The following JAKMIP3 variants were observed in gnomAD, a reference collection of about 807,000 sequenced individuals.
JAKMIP3 encodes the protein janus kinase and microtubule-interacting protein 3.
A neutral mutation model predicts 118.5 loss-of-function variants in JAKMIP3; 58 were observed. The ratio of observed to expected loss-of-function variants is 0.49; its 90% CI spans 0.40 to 0.61. The LOEUF (loss-of-function observed/expected upper bound fraction) is 0.61, where lower values mean the gene tolerates loss of function less well. Among genes scored for constraint, JAKMIP3 ranks in the 20% least tolerant of loss-of-function variants. The pLI, the probability that JAKMIP3 is intolerant of heterozygous loss-of-function variation, is 0.00. For synonymous variants in JAKMIP3, 486 were observed against 451.2 expected (o/e 1.08, Z -0.98); for missense variants, 950 against 1,109.0 (o/e 0.86, Z 2.04).
rs1391994802 is a variant in JAKMIP3, at chr10:132,098,070, C to T, written c.-137-6602C>T. Among the ~76,000 whole-genome samples, 6 of 148,510 alleles carry T rather than the reference C, an allele frequency of 4.0e-5. No homozygotes were observed. The East Asian group carries it at 1.2e-3, about 30-fold the overall frequency. ...TCTTTTTTTGAGACAAGGTCTTCCT[C>T]TGTTGTCCAGGTGGGAGTGCAGTGA... is the stretch of plus-strand genomic sequence containing the variant. On this transcript the variant is annotated intron_variant, in intron 1 of 23. Coordinates refer to ENST00000684848, the MANE Select transcript of JAKMIP3 (RefSeq NM_001323087.2).
In JAKMIP3 at chr10:132,180,602, CGCGTGTGTGTGTGCGTGTGT is replaced by C. The variant is rs2060846942; in HGVS notation, c.*1104-1753_*1104-1734del. Among the ~76,000 whole-genome samples, 2 of 12,066 alleles carry C rather than the reference CGCGTGTGTGTGTGCGTGTGT, an allele frequency of 1.7e-4. 1 individual carries two copies. Among genetic ancestry groups the C allele is most frequent in the East Asian group, 3.4e-3 (2 of 584 alleles). 7.9% of individuals were successfully genotyped at this position (12,066 alleles called of 152,430 possible). A position where few individuals can be genotyped will look rare whatever the true frequency, so the allele number is the denominator to read the frequency against. ...GTGCGTGCGCGTGTGTGTGTGCGTG[CGCGTGTGTGTGTGCGTGTGT>C]GTGCGTGTGTGCGTGCGTGTGTGCG... On this transcript the variant is annotated intron_variant, in intron 23 of 23. Transcript: ENST00000684848.
At chr10:132,048,667 C>CTTTT (rs35729418) in intron 1 of JAKMIP3, among the ~76,000 whole-genome samples, 29,312 of 129,422 alleles carry the variant, frequency 0.23, 4,345 homozygotes, top group East Asian at 0.58. Flanking sequence ...TGTTTCTTTT[C>CTTTT]TTTTTTTTTT....
chr10:132,061,080 A>G (rs147406949), upstream of JAKMIP3, among the ~76,000 whole-genome samples: 222 of 152,386 alleles, frequency 1.5e-3, 1 homozygote, highest in Middle Eastern at 3.4e-3. Flanking sequence ...AATAGATTTC[A>G]GCAAGCTGCT....
intron 1 of JAKMIP3, among the ~76,000 whole-genome samples, chr10:132,089,324 T>C (rs1191495229): frequency 2.6e-5 from 4 of 152,268 alleles, no homozygotes; most frequent in African/African-American, 9.6e-5. Flanking sequence ...ACGATATTGA[T>C]ACTTCCTATC....
At chr10:132,163,091 G>A in intron 19 of JAKMIP3, 118 bp from the exon 20 acceptor site, 1 of 982,626 alleles carries the variant, frequency 1.0e-6, no homozygotes, top group Non-Finnish European at 1.5e-6. Context: ...GTCCCTCCCT[G>A]TTGCATATCC....
intron 1 of JAKMIP3, among the ~76,000 whole-genome samples, chr10:132,052,978 T>C (rs557310535): frequency 3.0e-4 from 45 of 152,344 alleles, no homozygotes; most frequent in Middle Eastern, 3.4e-3. Flanking sequence ...GTCTGGGTCT[T>C]TTAATTGTTT....
intron 8 of JAKMIP3, 116 bp downstream of exon 8, chr10:132,137,405 T>G (rs2052026205): frequency 1.5e-6 from 2 of 1,311,182 alleles, no homozygotes; most frequent in African/African-American, 1.5e-5. Flanking sequence ...GCGGCAGCCT[T>G]TCGGGTGGAT....
chr10:132,149,273 G>A (rs753384378), intron 14 of JAKMIP3, 139 bp from the exon 15 acceptor site: 61 of 605,772 alleles, frequency 1.0e-4, no homozygotes, highest in Non-Finnish European at 1.3e-4. Context: ...CACTGCTGCC[G>A]CTGCGGTTTG....
chr10:132,054,975 G>C (rs560098615), intron 1 of JAKMIP3, among the ~76,000 whole-genome samples: 1 of 151,926 alleles, frequency 6.6e-6, no homozygotes, highest in East Asian at 2.0e-4. Flanking sequence ...CTACACCGAG[G>C]ACCCTCCGCT....
chr10:132,098,156 C>G (rs2044288580), intron 1 of JAKMIP3, among the ~76,000 whole-genome samples: 1 of 151,808 alleles, frequency 6.6e-6, no homozygotes, highest in Non-Finnish European at 1.5e-5. Context: ...CCGCCTCAGC[C>G]TCCCAGGGAG....
chr10:132,089,640 G>C (rs1589784957), intron 1 of JAKMIP3, among the ~76,000 whole-genome samples: 3 of 152,162 alleles, frequency 2.0e-5, no homozygotes, highest in South Asian at 2.1e-4. Flanking sequence ...AATATACAAC[G>C]ATGTCATCTG....
chr10:132,167,861 T>A, intron 22 of JAKMIP3, 92 bp from the exon 23 acceptor site: 37 of 886,670 alleles, frequency 4.2e-5, no homozygotes, highest in Middle Eastern at 2.8e-4. Flanking sequence ...CCCTCACCCC[T>A]CGGCCCTCGC....
chr10:132,036,931 C>T (rs1342168890), intron 1 of JAKMIP3, among the ~76,000 whole-genome samples: 1 of 152,018 alleles, frequency 6.6e-6, no homozygotes, highest in African/African-American at 2.4e-5. Flanking sequence ...GCGGTCCCCC[C>T]GTGGGCGGGT....
intron 1 of JAKMIP3, among the ~76,000 whole-genome samples, chr10:132,046,226 G>A (rs530507191): frequency 1.3e-5 from 2 of 152,246 alleles, no homozygotes; most frequent in Middle Eastern, 3.4e-3. Flanking sequence ...AGGCCGAGGC[G>A]GGCAGATCAC....
At chr10:132,142,102 C>CCCGTGT in intron 11 of JAKMIP3, 54 bp downstream of exon 11, 1 of 1,535,278 alleles carries the variant, frequency 6.5e-7, no homozygotes, top group Non-Finnish European at 8.7e-7. Flanking sequence ...TCCCGCTTGA[C>CCCGTGT]CCCGTGGCCT....
intron 21 of JAKMIP3, 82 bp from the exon 22 acceptor site, chr10:132,166,901 G>C: frequency 1.1e-6 from 1 of 949,950 alleles, no homozygotes; most frequent in Non-Finnish European, 1.6e-6. Context: ...CTGTAATCGC[G>C]TGTATTTCTT....
chr10:132,172,487 G>A (rs894203588), intron 23 of JAKMIP3, among the ~76,000 whole-genome samples: 54 of 152,188 alleles, frequency 3.5e-4, no homozygotes, highest in African/African-American at 1.3e-3. Flanking sequence ...CCTGCAGCAT[G>A]TCTTCCTGTG....
intron 1 of JAKMIP3, among the ~76,000 whole-genome samples, chr10:132,083,197 C>CT (rs576363500): frequency 1.4e-3 from 213 of 152,038 alleles, no homozygotes; most frequent in Middle Eastern, 6.8e-3. Context: ...AACATCTATT[C>CT]TTTTTTTTGA....
intron 1 of JAKMIP3, among the ~76,000 whole-genome samples, chr10:132,080,530 TTTTTTTTTTA>T (rs1432855301): frequency 7.4e-5 from 6 of 81,442 alleles, no homozygotes; most frequent in Admixed American, 3.1e-4. Flanking sequence ...TTTTTTTTTT[TTTTTTTTTTA>T]AGATGGAGTC....
Sources: allele counts gnomAD v4.1 joint callset (sites outside exome capture counted in the v4.1 genomes callset), GRCh38; gene constraint gnomAD v4.1.1; transcripts MANE v1.5; gene names NCBI Gene and HGNC (gene_info 2026-07-23, HGNC 2026-07-21).